The following ZMYND11 variants were observed in gnomAD, a reference collection of about 807,000 sequenced individuals.
ZMYND11 encodes zinc finger MYND-type containing 11, also known as zinc finger MYND domain-containing protein 11.
Under a neutral mutation model 84.9 loss-of-function variants are expected in ZMYND11, and 9 were observed. The observed-to-expected ratio is 0.11, with a 90% CI of 0.06 to 0.18. The LOEUF is 0.18. Among genes scored for constraint, ZMYND11 ranks in the 10% least tolerant of loss-of-function variants. The pLI, the probability that ZMYND11 is intolerant of heterozygous loss-of-function variation, is 1.00. For synonymous variants in ZMYND11, 250 were observed against 244.1 expected (o/e 1.02, Z -0.23); for missense variants, 409 against 761.0 (o/e 0.54, Z 5.44).
At chr10:234,043 T>C (rs1011798872) in intron 4 of ZMYND11, among the ~76,000 whole-genome samples, 1 of 152,228 alleles carries the variant, frequency 6.6e-6, no homozygotes, top group Non-Finnish European at 1.5e-5. Flanking sequence ...TACCTAAACT[T>C]CCGTAGTACC....
upstream of ZMYND11, among the ~76,000 whole-genome samples, chr10:133,255 T>A (rs1374256897): frequency 6.6e-6 from 1 of 152,250 alleles, no homozygotes; most frequent in Non-Finnish European, 1.5e-5. Flanking sequence ...GAATGTGTCA[T>A]TACTAGTGAA....
chr10:150,601 G>C (rs1341206276), intron 1 of ZMYND11, among the ~76,000 whole-genome samples: 2 of 152,180 alleles, frequency 1.3e-5, no homozygotes, highest in African/African-American at 4.8e-5. Flanking sequence ...GCTCGAACTG[G>C]GTGGAGCCCA....
rs529274320 is a variant in ZMYND11, at chr10:189,071, G to A, written c.116+8943G>A. Among the ~76,000 whole-genome samples, 3 of 152,264 alleles carry A rather than the reference G, an allele frequency of 2.0e-5. No individual in the cohort carries two copies. The South Asian group carries it at 6.2e-4, about 32-fold the overall frequency. On this transcript the variant is annotated intron_variant, in intron 2 of 14. Transcript: ENST00000381604. The stretch of plus-strand genomic sequence containing the variant: ...ACTCAAGTGAATGTTTCAGGTTAGG[G>A]CATCAATTAATTACTTGCGTTGCTT...
intron 2 of ZMYND11, among the ~76,000 whole-genome samples, chr10:200,485 G>T (rs1309539309): frequency 6.6e-6 from 1 of 150,680 alleles, no homozygotes; most frequent in Non-Finnish European, 1.5e-5. Context: ...TTGCTGTATT[G>T]CCCAGGCTGA....
intron 2 of ZMYND11, among the ~76,000 whole-genome samples, chr10:204,567 C>A (rs1455362330): frequency 6.6e-6 from 1 of 152,062 alleles, no homozygotes; most frequent in Non-Finnish European, 1.5e-5. Context: ...TTGCAAACTC[C>A]TTATCAACTT....
intron 6 of ZMYND11, among the ~76,000 whole-genome samples, chr10:238,477 C>T (rs1276796286): frequency 6.6e-6 from 1 of 152,132 alleles, no homozygotes; most frequent in South Asian, 2.1e-4. Flanking sequence ...CTGCCTCAGC[C>T]TCCCGAGTAG....
intron 1 of ZMYND11, among the ~76,000 whole-genome samples, chr10:144,099 AT>A (rs1440213055): frequency 2.0e-5 from 3 of 151,984 alleles, no homozygotes; most frequent in Non-Finnish European, 4.4e-5. Context: ...AGTCTTAGTT[AT>A]TTTCAAATGA....
At chr10:200,212 G>GTGTGTGTGTGTGTGTGTGTGTGTGTC (rs1942818361) in intron 2 of ZMYND11, among the ~76,000 whole-genome samples, 1 of 142,540 alleles carries the variant, frequency 7.0e-6, no homozygotes, top group Admixed American at 7.4e-5. Context: ...TAGGGTGTGT[G>GTGTGTGTGTGTGTGTGTGTGTGTGTC]TGTGTGTGTG....
intron 1 of ZMYND11, among the ~76,000 whole-genome samples, chr10:146,666 T>A (rs1006272494): frequency 2.0e-5 from 3 of 152,228 alleles, no homozygotes; most frequent in Non-Finnish European, 4.4e-5. Context: ...AGTTCTTGAT[T>A]TGATTTCTTA....
chr10:148,655 A>G (rs1029334225), intron 1 of ZMYND11: 1 of 152,236 alleles, frequency 6.6e-6, no homozygotes. Flanking sequence ...CACTGATTCC[A>G]CAAAGGCCAA....
intron 2 of ZMYND11, among the ~76,000 whole-genome samples, chr10:183,850 T>G (rs1848386761): frequency 6.6e-6 from 1 of 152,196 alleles, no homozygotes; most frequent in Non-Finnish European, 1.5e-5. Context: ...ATGAACAAGA[T>G]GTTTCAGGAT....
chr10:138,841 T>G (rs1373206633), intron 1 of ZMYND11, among the ~76,000 whole-genome samples: 1 of 152,152 alleles, frequency 6.6e-6, no homozygotes, highest in Non-Finnish European at 1.5e-5. Context: ...TAACACTGAA[T>G]TTTCTTTTTT....
At chr10:173,015 C>T (rs906873151) in intron 1 of ZMYND11, among the ~76,000 whole-genome samples, 1 of 148,966 alleles carries the variant, frequency 6.7e-6, no homozygotes. Flanking sequence ...GGTGCTGGAA[C>T]AAATGGACAT....
intron 1 of ZMYND11, among the ~76,000 whole-genome samples, chr10:149,448 C>A (rs995160379): frequency 1.3e-5 from 2 of 151,916 alleles, no homozygotes; most frequent in African/African-American, 4.8e-5. Context: ...GTAGCTGAGA[C>A]TACAGGCGCC....
At chr10:240,543 A>C (rs1269747700) in intron 8 of ZMYND11, among the ~76,000 whole-genome samples, 1 of 152,180 alleles carries the variant, frequency 6.6e-6, no homozygotes, top group Non-Finnish European at 1.5e-5. Context: ...CATGTTTGAC[A>C]TACATGAGGC....
intron 1 of ZMYND11, among the ~76,000 whole-genome samples, chr10:151,446 A>C (rs1840345161): frequency 1.3e-5 from 2 of 152,238 alleles, no homozygotes; most frequent in South Asian, 4.1e-4. Flanking sequence ...AATTCAATCA[A>C]CTGGAAGAAA....
At chr10:162,421 T>C (rs968701546) in intron 1 of ZMYND11, among the ~76,000 whole-genome samples, 36 of 151,706 alleles carry the variant, frequency 2.4e-4, no homozygotes, top group African/African-American at 8.4e-4. Context: ...CTTGCTTGAC[T>C]CAGGGTTGCC....
At chr10:158,837 G>A (rs1842290385) in intron 1 of ZMYND11, among the ~76,000 whole-genome samples, 1 of 151,820 alleles carries the variant, frequency 6.6e-6, no homozygotes, top group South Asian at 2.1e-4. Context: ...GTACTTACTG[G>A]CCTGGCCATT....
chr10:248,275 T>A, intron 12 of ZMYND11, 61 bp from the exon 13 acceptor site: 1 of 1,567,512 alleles, frequency 6.4e-7, no homozygotes, highest in Non-Finnish European at 8.6e-7. Flanking sequence ...AATGGGGTAG[T>A]TCTTGAACTG....
Sources: allele counts gnomAD v4.1 joint callset (sites outside exome capture counted in the v4.1 genomes callset), GRCh38; gene constraint gnomAD v4.1.1; transcripts MANE v1.5; gene names NCBI Gene and HGNC (gene_info 2026-07-23, HGNC 2026-07-21).